CLEC7A: variants seen among roughly 807,000 people sequenced by gnomAD.
CLEC7A encodes the protein C-type lectin domain family 7 member A.
A neutral mutation model predicts 26.9 loss-of-function variants in CLEC7A; 25 were observed. The ratio of observed to expected loss-of-function variants is 0.93; its 90% CI spans 0.68 to 1.30. The LOEUF (loss-of-function observed/expected upper bound fraction) is 1.30. CLEC7A is among the 50% of genes most tolerant of loss of function. The pLI is 0.00. For missense variants in CLEC7A, 275 were observed against 286.7 expected, an observed-to-expected ratio of 0.96 and a Z score of 0.29; for synonymous variants, 100 against 99.5, an observed-to-expected ratio of 1.01 and a Z score of -0.03.
chr12:10,126,616 A>G lies in CLEC7A; in HGVS notation c.295T>C (p.Ser99Pro). The G allele has an allele frequency of 1.2e-6, 2 of 1,613,058 alleles. No homozygotes were observed. Among genetic ancestry groups the G allele is most frequent in the Non-Finnish European group, 1.7e-6 (2 of 1,179,590 alleles). Residue 99 changes from serine (S) to proline (P), a missense_variant, in exon 3 of 6, where the codon TCT becomes CCT. Ser to Pro is a moderately conservative substitution (Grantham distance 74). Coordinates refer to ENST00000304084, the MANE Select transcript of CLEC7A (RefSeq NM_197947.3). ...GTAGGAGTCACACTGTCTTCTAAAGATGATTGTGTGGGTTGACTGTGGTTC... is the reference window on the plus strand; with the variant it reads ...GTAGGAGTCACACTGTCTTCTAAAGGTGATTGTGTGGGTTGACTGTGGTTC... ...KENHSQPTQS[S>P]LEDSVTPTKA... is the part of the protein sequence containing the mutation.
chr12:10,118,485 A>C lies in CLEC7A; in HGVS notation c.717T>G (p.Ser239Arg). Residue 239 changes from serine (S) to arginine (R), a missense_variant, in exon 6 of 6, where the codon AGT becomes AGG. Ser to Arg is a moderately radical substitution (Grantham distance 110). Coordinates refer to ENST00000304084, the MANE Select transcript of CLEC7A (RefSeq NM_197947.3). ...YDQLCSVPSY[S>R]ICEKKFSM ...ACATTGAAAACTTCTTCTCACAAAT[A>C]CTATATGAGGGCACACTACACAGTT... The C allele has an allele frequency of 1.9e-6, 3 of 1,611,018 alleles. No individual in the cohort carries two copies. Among genetic ancestry groups the C allele is most frequent in the Non-Finnish European group, 1.7e-6 (2 of 1,177,452 alleles).
At chr12:10,126,143 G>A (rs980566273) in intron 3 of CLEC7A, 1 of 977,506 alleles carries the variant, frequency 1.0e-6, no homozygotes, top group Non-Finnish European at 1.2e-6. Context: ...CCTTATTCTT[G>A]GCAACATTTT....
intron 2 of CLEC7A, 75 bp downstream of exon 2, chr12:10,127,672 C>T: frequency 9.3e-7 from 1 of 1,077,030 alleles, no homozygotes; most frequent in Non-Finnish European, 1.4e-6. Flanking sequence ...CATGTCAAGC[C>T]CTTAAAAGAG....
intron 4 of CLEC7A, 60 bp from the exon 5 acceptor site, chr12:10,123,423 T>G: frequency 1.9e-6 from 2 of 1,027,708 alleles, no homozygotes; most frequent in Non-Finnish European, 3.0e-6. Flanking sequence ...AAAGAAACTA[T>G]TATCATGGAC....
At chr12:10,128,942 C>T (rs765861756) in intron 1 of CLEC7A, among the ~76,000 whole-genome samples, 4 of 152,180 alleles carry the variant, frequency 2.6e-5, no homozygotes, top group Non-Finnish European at 5.9e-5. Flanking sequence ...TAATAGGGAA[C>T]TAATTTTGTA....
At position 10,123,345 on chromosome 12, in the gene CLEC7A, C is replaced by A. The variant is rs764328683; in HGVS notation, c.511G>T (p.Val171Leu). Residue 171 changes from valine to leucine, a missense_variant, in exon 5 of 6, where the codon GTG (valine) becomes TTG (leucine). Transcript: ENST00000304084. ...SNELGFIVKQ[V>L]SSQPDNSFWI... The stretch of plus-strand genomic sequence containing the variant: ...AATGAATTATCAGGTTGGGAAGACA[C>A]TTGTTTTACTATAAATCCCTGTAAT... 6.3e-7 allele frequency: 1 copy of A among 1,598,074 alleles called. No homozygotes were observed. Among genetic ancestry groups the A allele is most frequent in the South Asian group, 1.1e-5 (1 of 90,766 alleles).
chr12:10,125,180 CAAAAA>C (rs10717980), intron 4 of CLEC7A, 112 bp downstream of exon 4: 1,909 of 596,226 alleles, frequency 3.2e-3, no homozygotes, highest in East Asian at 3.9e-3. Context: ...GACTCTGCCT[CAAAAA>C]AAAAAAAAAA....
chr12:10,121,502 G>A (rs1404300073), intron 5 of CLEC7A, among the ~76,000 whole-genome samples: 1 of 152,180 alleles, frequency 6.6e-6, no homozygotes, highest in Non-Finnish European at 1.5e-5. Context: ...CTACAAGCAC[G>A]TGGAGCATGT....
Position 10,130,133 on chromosome 12 carries a change from C to T in CLEC7A, c.-51G>A, listed in dbSNP as rs1275302866. On this transcript the variant is annotated 5_prime_UTR_variant, in exon 1 of 6. Transcript: ENST00000304084. ...ATAGCATTTGGGAGCTCTTTTCTTT[C>T]TGCTCCTGAGATGACTGTCTGTGGA... 1.1e-6 allele frequency: 1 copy of T among 879,222 alleles called. No individual in the cohort carries two copies. The highest frequency in any genetic ancestry group is 1.9e-6 in the Non-Finnish European group (1 of 533,522). 54.5% of individuals were successfully genotyped at this position (879,222 alleles called of 1,614,324 possible).
intron 5 of CLEC7A, among the ~76,000 whole-genome samples, chr12:10,119,621 C>A (rs1208290901): frequency 6.6e-6 from 1 of 152,152 alleles, no homozygotes; most frequent in East Asian, 1.9e-4. Context: ...ATAATAAATT[C>A]ACTGTACTTA....
chr12:10,125,506 G>A (rs1948251875), intron 3 of CLEC7A, 58 bp from the exon 4 acceptor site: 3 of 1,421,208 alleles, frequency 2.1e-6, no homozygotes, highest in Non-Finnish European at 2.9e-6. Context: ...CTCTTTTAGT[G>A]TGAACACCAT....
At chr12:10,126,501 CT>C (rs1392902597) in intron 3 of CLEC7A, 69 bp downstream of exon 3, 1 of 1,511,426 alleles carries the variant, frequency 6.6e-7, no homozygotes, top group Non-Finnish European at 8.8e-7. Context: ...CTTTACACCC[CT>C]GCCCCAGGCT....
intron 4 of CLEC7A, 145 bp from the exon 5 acceptor site, chr12:10,123,508 T>A (rs1948167907): frequency 1.7e-6 from 1 of 603,596 alleles, no homozygotes; most frequent in Non-Finnish European, 2.9e-6. Context: ...ACGCCTGTAA[T>A]CCCAGCACTT....
At chr12:10,122,484 CTTTT>C (rs143612827) in intron 5 of CLEC7A, among the ~76,000 whole-genome samples, 2,979 of 128,452 alleles carry the variant, frequency 0.023, 46 homozygotes, top group African/African-American at 0.089. Context: ...TTCTTTTTTT[CTTTT>C]TTTTTTTTTT....
chr12:10,118,932 A>T (rs1947993062), intron 5 of CLEC7A, among the ~76,000 whole-genome samples: 1 of 152,200 alleles, frequency 6.6e-6, no homozygotes, highest in Non-Finnish European at 1.5e-5. Flanking sequence ...TTATCAAATC[A>T]AGTAACAGTT....
chr12:10,126,009 G>A, intron 3 of CLEC7A: 1 of 202,540 alleles, frequency 4.9e-6, no homozygotes, highest in Non-Finnish European at 8.8e-6. Context: ...GCAATTAGAA[G>A]TAAAAGTCAA....
chr12:10,123,492 T>G lies in CLEC7A; in HGVS notation c.493-129A>C, dbSNP rs1948166987. The stretch of plus-strand genomic sequence containing the variant: ...GTAAAGAATGCAAGGCCGGGCGCGG[T>G]GGCTCACGCCTGTAATCCCAGCACT... On this transcript the variant is annotated intron_variant, in intron 4 of 5. Coordinates refer to ENST00000304084, the MANE Select transcript of CLEC7A (RefSeq NM_197947.3). 68 of 657,232 alleles carry G rather than the reference T, an allele frequency of 1.0e-4. 4 individuals are homozygous for G. The South Asian group carries it at 1.3e-3, about 12-fold the overall frequency. 40.7% of individuals were successfully genotyped at this position (657,232 alleles called of 1,614,324 possible).
In CLEC7A at chr12:10,125,325, A is replaced by C; in HGVS notation, c.464T>G (p.Leu155Arg). ...TTCATTTGAGCTGTCTATCTTTAGGAGATTAGAGCCCAGTTGCCAGCATTG... is the reference window on the plus strand; with the variant it reads ...TTCATTTGAGCTGTCTATCTTTAGGCGATTAGAGCCCAGTTGCCAGCATTG... ...KRQCWQLGSN[L>R]LKIDSSNELG... is the part of the protein sequence containing the mutation. The change falls in exon 4 of 6, where the codon CTC becomes CGC. Residue 155 changes from leucine to arginine, a missense_variant. Transcript: ENST00000304084. The C allele has an allele frequency of 3.1e-6, 5 of 1,613,800 alleles. No homozygotes were observed. Among genetic ancestry groups the C allele is most frequent in the Non-Finnish European group, 4.2e-6 (5 of 1,179,924 alleles).
In CLEC7A at chr12:10,126,585, G is replaced by T. The variant is rs1293538238; in HGVS notation, c.326C>A (p.Ala109Asp). ...SLEDSVTPTK[A>D]VKTTGVLSSP... ...TATGCCCTTGCCTGTGGTTTTGACA[G>T]CTTTGGTAGGAGTCACACTGTCTTC... Residue 109 changes from alanine to aspartate, a missense_variant, in exon 3 of 6, where the codon GCT (alanine) becomes GAT (aspartate). Physicochemically the swap from Ala to Asp is moderately radical, Grantham distance 126. Coordinates refer to ENST00000304084, the MANE Select transcript of CLEC7A (RefSeq NM_197947.3). 6.2e-7 allele frequency: 1 copy of T among 1,607,434 alleles called. No homozygotes were observed. The highest frequency in any genetic ancestry group is 8.5e-7 in the Non-Finnish European group (1 of 1,177,186).
Sources: gnomAD v4.1 joint callset for allele counts (sites outside exome capture counted in the v4.1 genomes callset) on GRCh38, gnomAD v4.1.1 for gene constraint, MANE v1.5 for transcripts, NCBI Gene and HGNC (gene_info 2026-07-23, HGNC 2026-07-21) for gene names.